The following DRC1 variants were observed in gnomAD, a reference collection of about 807,000 sequenced individuals.
DRC1 encodes dynein regulatory complex protein 1.
DRC1 carries 74 observed loss-of-function variants against 98.7 expected under a neutral mutation model. The ratio of observed to expected loss-of-function variants is 0.75; its 90% CI spans 0.62 to 0.91. The LOEUF (loss-of-function observed/expected upper bound fraction) is 0.91, where lower values mean the gene tolerates loss of function less well. Ranked by LOEUF, DRC1 falls within the 40% of genes least tolerant of loss-of-function variation. The pLI is 0.00. For synonymous variants in DRC1, 336 were observed against 334.1 expected, an observed-to-expected ratio of 1.01 and a Z score of -0.06; for missense variants, 875 against 886.0, an observed-to-expected ratio of 0.99 and a Z score of 0.16.
At position 26,416,033 on chromosome 2, in the gene DRC1, C is replaced by G. The variant is rs140108705; in HGVS notation, c.243+1602C>G. ...TAAAATGCTGATATACAGTTCACCCCGAGCACTCCTTAGTTAGGTATAAAA... is the reference window on the plus strand; with the variant it reads ...TAAAATGCTGATATACAGTTCACCCGGAGCACTCCTTAGTTAGGTATAAAA... On this transcript the variant is annotated intron_variant, in intron 2 of 16. Coordinates refer to ENST00000288710, the MANE Select transcript of DRC1 (RefSeq NM_145038.5). Among the ~76,000 whole-genome samples, 589 of 151,982 alleles carry G rather than the reference C, an allele frequency of 3.9e-3. 4 individuals are homozygous for G. The highest frequency in any genetic ancestry group is 0.014 in the African/African-American group (575 of 41,456).
At chr2:26,417,360 G>A (rs529206857) in intron 2 of DRC1, among the ~76,000 whole-genome samples, 48 of 145,100 alleles carry the variant, frequency 3.3e-4, no homozygotes, top group African/African-American at 1.1e-3. Flanking sequence ...AAACAGCCTC[G>A]TTCTGTCATC....
chr2:26,418,584 AT>A (rs1392658866), intron 2 of DRC1, among the ~76,000 whole-genome samples: 1 of 102,808 alleles, frequency 9.7e-6, no homozygotes, highest in Non-Finnish European at 1.7e-5. Flanking sequence ...TTATATATAA[AT>A]TATATATAAT....
intron 2 of DRC1, among the ~76,000 whole-genome samples, chr2:26,417,770 C>A (rs1678858707): frequency 1.3e-5 from 2 of 152,124 alleles, no homozygotes; most frequent in South Asian, 4.1e-4. Context: ...ATGTTTTGTA[C>A]TTTTTGTTCA....
Position 26,456,506 on chromosome 2 carries a change from C to G in DRC1, c.2212C>G (p.Pro738Ala). ...QVPPTQVLRV[P>A]TK ...TCCTCCCACTCAGGTGTTGCGGGTA[C>G]CCACAAAATGAGCTGGACCGCCAAA... Residue 738 changes from proline to alanine, a missense_variant, in exon 17 of 17, where the codon CCC becomes GCC. Coordinates refer to ENST00000288710, the MANE Select transcript of DRC1 (RefSeq NM_145038.5). The G allele has an allele frequency of 6.2e-7, 1 of 1,614,140 alleles. No individual in the cohort carries two copies. The highest frequency in any genetic ancestry group is 8.5e-7 in the Non-Finnish European group (1 of 1,180,002).
intron 10 of DRC1, among the ~76,000 whole-genome samples, chr2:26,445,207 A>C (rs540185465): frequency 6.6e-6 from 1 of 152,336 alleles, no homozygotes; most frequent in East Asian, 1.9e-4. Context: ...CATCGGGATA[A>C]ACTAATGTTA....
chr2:26,442,843 T>C (rs1663752750), intron 8 of DRC1, among the ~76,000 whole-genome samples: 1 of 152,204 alleles, frequency 6.6e-6, no homozygotes, highest in African/African-American at 2.4e-5. Flanking sequence ...AGCTTCCTCT[T>C]GCAGCCATTC....
chr2:26,417,496 T>G (rs1469379230), intron 2 of DRC1, among the ~76,000 whole-genome samples: 1 of 152,172 alleles, frequency 6.6e-6, no homozygotes, highest in East Asian at 1.9e-4. Context: ...ACCTAGCTAA[T>G]TTTTGTATTC....
intron 2 of DRC1, 131 bp downstream of exon 2, chr2:26,414,562 T>C: frequency 3.8e-6 from 3 of 791,470 alleles, no homozygotes; most frequent in Middle Eastern, 2.5e-4. Flanking sequence ...ATAGAATCTT[T>C]CCCATTTGAG....
chr2:26,424,159 C>A, intron 3 of DRC1, 112 bp from the exon 4 acceptor site: 1 of 1,264,034 alleles, frequency 7.9e-7, no homozygotes, highest in South Asian at 1.4e-5. Context: ...TGTGTTTGGG[C>A]AGTGCCTAGT....
chr2:26,432,799 A>G (rs1165086432), intron 7 of DRC1, among the ~76,000 whole-genome samples: 2 of 152,192 alleles, frequency 1.3e-5, no homozygotes, highest in Non-Finnish European at 1.5e-5. Flanking sequence ...AATGAATGGT[A>G]TCTCTAATCC....
At position 26,454,942 on chromosome 2, in the gene DRC1, A is replaced by G. The variant is rs2280516; in HGVS notation, c.2063+152A>G. On this transcript the variant is annotated intron_variant, in intron 15 of 16. Coordinates refer to ENST00000288710, the MANE Select transcript of DRC1 (RefSeq NM_145038.5). The surrounding 1 kb of genome is among the most constrained non-coding windows in gnomAD (Gnocchi z 5.2). ...CCTGTGTGGGTGGATCATGTGGGGC[A>G]GTTGGCTCTTGGGCCCTGGCCTGCC... The G allele has an allele frequency of 0.78, 1,089,151 of 1,392,590 alleles. 440,198 individuals carry two copies. Among genetic ancestry groups the G allele is most frequent in the Non-Finnish European group, 0.83 (838,721 of 1,007,114 alleles). 86.3% of individuals were successfully genotyped at this position (1,392,590 alleles called of 1,614,324 possible). A position where few individuals can be genotyped will look rare whatever the true frequency, so the allele number is the denominator to read the frequency against.
At chr2:26,429,914 C>T in intron 5 of DRC1, 149 bp downstream of exon 5, 1 of 890,042 alleles carries the variant, frequency 1.1e-6, no homozygotes, top group East Asian at 2.7e-5. Context: ...AATTTATTTA[C>T]TCATTCATTC....
chr2:26,418,134 C>G (rs575706425), intron 2 of DRC1, among the ~76,000 whole-genome samples: 2 of 152,222 alleles, frequency 1.3e-5, no homozygotes, highest in South Asian at 4.1e-4. Flanking sequence ...CTTCAAACCC[C>G]CATTGTCCCC....
intron 1 of DRC1, among the ~76,000 whole-genome samples, chr2:26,412,949 A>AT (rs1678667230): frequency 6.6e-6 from 1 of 151,898 alleles, no homozygotes; most frequent in South Asian, 2.1e-4. Flanking sequence ...CGCCCGGCTA[A>AT]TTTTTTGTAT....
intron 11 of DRC1, among the ~76,000 whole-genome samples, 192 bp from the exon 12 acceptor site, chr2:26,449,804 C>T (rs1011592944): frequency 2.0e-5 from 3 of 152,120 alleles, no homozygotes; most frequent in Non-Finnish European, 4.4e-5. Context: ...TGTCTCTGGC[C>T]TTGCTCCCTG....
At chr2:26,429,390 A>AT (rs1435838315) in intron 4 of DRC1, among the ~76,000 whole-genome samples, 1 of 151,458 alleles carries the variant, frequency 6.6e-6, no homozygotes, top group Admixed American at 6.6e-5. Context: ...TAATTTTTAT[A>AT]TTTTTTTGTA....
At position 26,434,794 on chromosome 2, in the gene DRC1, G is replaced by A. The variant is rs566389403; in HGVS notation, c.888+2788G>A. Among the ~76,000 whole-genome samples the A allele has an allele frequency of 7.9e-5, 12 of 152,224 alleles. No individual in the cohort carries two copies. In the East Asian group the frequency reaches 2.3e-3, roughly 29 times the overall value. On this transcript the variant is annotated intron_variant, in intron 7 of 16. Transcript: ENST00000288710. ...TAGTCCCAGCTACTCAGTAGGCTGA[G>A]GCAGGAGAATGGTGTGAACCAGGGA...
chr2:26,451,116 C>T (rs1430838904), intron 13 of DRC1, among the ~76,000 whole-genome samples: 2 of 152,246 alleles, frequency 1.3e-5, no homozygotes, highest in African/African-American at 4.8e-5. Flanking sequence ...AATAGCGGGG[C>T]TTTTATGTCA....
At chr2:26,404,452 G>A (rs71441028) in intron 1 of DRC1, among the ~76,000 whole-genome samples, 5,114 of 152,282 alleles carry the variant, frequency 0.034, 188 homozygotes, top group Non-Finnish European at 0.04. Context: ...CTCTAGTGAA[G>A]CTTACCACAC....
Sources: gnomAD v4.1 joint callset for allele counts (sites outside exome capture counted in the v4.1 genomes callset) on GRCh38, gnomAD v4.1.1 for gene constraint, Gnocchi (gnomAD v3.1) non-coding constraint, MANE v1.5 for transcripts, NCBI Gene and HGNC (gene_info 2026-07-23, HGNC 2026-07-21) for gene names.